C14orf132: variants seen among roughly 807,000 people sequenced by gnomAD.
C14orf132 encodes chromosome 14 open reading frame 132.
C14orf132 carries 6 observed loss-of-function variants against 5.8 expected under a neutral mutation model. That is an observed-to-expected ratio of 1.03 (90% CI 0.57 to 2.04). The LOEUF is 2.04. Ranked by LOEUF, C14orf132 falls within the 30% of genes most tolerant of loss-of-function variation. C14orf132 has a pLI of 0.00. For missense variants in C14orf132, 125 were observed against 115.8 expected (o/e 1.08, Z -0.37); for synonymous variants, 51 against 49.8 (o/e 1.02, Z -0.10).
intron 1 of C14orf132, among the ~76,000 whole-genome samples, chr14:96,048,791 G>A (rs1456606521): frequency 6.6e-6 from 1 of 152,110 alleles, no homozygotes; most frequent in Admixed American, 6.5e-5. Flanking sequence ...CTCCCAAAGT[G>A]CTGGGATTAC....
At chr14:96,051,623 C>A (rs952742868) in intron 1 of C14orf132, among the ~76,000 whole-genome samples, 1 of 152,324 alleles carries the variant, frequency 6.6e-6, no homozygotes, top group Admixed American at 6.5e-5. Flanking sequence ...TGTGCTCTCC[C>A]AGGCACCCTG....
At position 96,091,097 on chromosome 14, in the gene C14orf132, G is replaced by A; in HGVS notation, c.*4362G>A. 1 of 441,082 alleles carries A rather than the reference G, an allele frequency of 2.3e-6. No homozygotes were observed. The highest frequency in any genetic ancestry group is 1.7e-5 in the South Asian group (1 of 60,526). 27.3% of individuals were successfully genotyped at this position (441,082 alleles called of 1,614,324 possible). A position where few individuals can be genotyped will look rare whatever the true frequency, so the allele number is the denominator to read the frequency against. ...GTCGCATTTTTCTGTGGAGAAAACT[G>A]AGGCCAGGGCTGAACGCTCACAGCT... On this transcript the variant is annotated 3_prime_UTR_variant, in exon 2 of 2. Transcript: ENST00000555004.
chr14:96,057,926 G>C (rs966912931), intron 1 of C14orf132, among the ~76,000 whole-genome samples: 1 of 152,142 alleles, frequency 6.6e-6, no homozygotes, highest in African/African-American at 2.4e-5. Flanking sequence ...AGGTGCCATT[G>C]GTCCCTTGAG....
chr14:96,058,634 G>A (rs908968179), intron 1 of C14orf132, among the ~76,000 whole-genome samples: 20 of 152,162 alleles, frequency 1.3e-4, no homozygotes, highest in African/African-American at 4.8e-4. Context: ...TAAAAGTGAT[G>A]TTGGAAAATG....
At chr14:96,056,341 A>T (rs1191185578) in intron 1 of C14orf132, among the ~76,000 whole-genome samples, 2 of 152,242 alleles carry the variant, frequency 1.3e-5, no homozygotes, top group African/African-American at 4.8e-5. Flanking sequence ...CAGGGTGGTC[A>T]GCTGGGCCTT....
chr14:96,057,264 C>T (rs1887212520), intron 1 of C14orf132, among the ~76,000 whole-genome samples: 1 of 152,228 alleles, frequency 6.6e-6, no homozygotes, highest in African/African-American at 2.4e-5. Flanking sequence ...CTGTCCCTTG[C>T]ACTTTGTGAG....
At chr14:96,085,534 CAG>C (rs770147614) in intron 1 of C14orf132, among the ~76,000 whole-genome samples, 3 of 152,240 alleles carry the variant, frequency 2.0e-5, no homozygotes, top group Non-Finnish European at 4.4e-5. Context: ...CCTTTAAAAA[CAG>C]AAATAGGAAG....
intron 1 of C14orf132, among the ~76,000 whole-genome samples, chr14:96,076,285 C>T (rs1450730667): frequency 6.6e-6 from 1 of 152,128 alleles, no homozygotes; most frequent in Admixed American, 6.5e-5. Flanking sequence ...TTTTCCATTT[C>T]TGATATTGGT....
chr14:96,074,509 G>A (rs928792748), intron 1 of C14orf132, among the ~76,000 whole-genome samples: 13 of 150,122 alleles, frequency 8.7e-5, no homozygotes, highest in African/African-American at 3.2e-4. Flanking sequence ...ATTTCATTTA[G>A]GTCTAAGATC....
chr14:96,068,525 A>G (rs1887602528), intron 1 of C14orf132, among the ~76,000 whole-genome samples: 1 of 152,122 alleles, frequency 6.6e-6, no homozygotes, highest in Non-Finnish European at 1.5e-5. Context: ...GGGAGTAGAA[A>G]AGGATTTCTC....
intron 1 of C14orf132, among the ~76,000 whole-genome samples, chr14:96,079,699 G>C (rs533154940): frequency 6.6e-6 from 1 of 152,040 alleles, no homozygotes; most frequent in Admixed American, 6.5e-5. Context: ...TTAGTGATGA[G>C]AGAAATTATC....
chr14:96,071,358 C>T lies in C14orf132; in HGVS notation c.28-15153C>T, dbSNP rs931629875. ...CAACACATGGGGATTTGGGGAGCTA[C>T]AATTCAAGATGAGATTTGGGTGGGG... On this transcript the variant is annotated intron_variant, in intron 1 of 1. Transcript: ENST00000555004. 6.6e-5 allele frequency among the ~76,000 whole-genome samples: 10 copies of T among 152,240 alleles called. 1 individual carries two copies. The highest frequency in any genetic ancestry group is 1.9e-4 in the East Asian group (1 of 5,174).
chr14:96,063,028 T>C (rs574678071), intron 1 of C14orf132, among the ~76,000 whole-genome samples: 3 of 152,306 alleles, frequency 2.0e-5, no homozygotes, highest in African/African-American at 7.2e-5. Context: ...ATGTCAGTAC[T>C]TTTATCACAG....
rs980729997 is a variant in C14orf132 at position 96,092,107 on chromosome 14, A to C, written c.*5372A>C. On this transcript the variant is annotated 3_prime_UTR_variant, in exon 2 of 2. Transcript: ENST00000555004. ...CAAAATGGACGCCATAAATTCTGAA[A>C]TAAAAGTGTATGATGTGTTCTGAGT... The C allele has an allele frequency of 1.3e-5, 2 of 152,368 alleles. No homozygotes were observed. The highest frequency in any genetic ancestry group is 2.9e-5 in the Non-Finnish European group (2 of 68,044). 9.4% of individuals were successfully genotyped at this position (152,368 alleles called of 1,614,324 possible). A position where few individuals can be genotyped will look rare whatever the true frequency, so the allele number is the denominator to read the frequency against.
At chr14:96,081,423 T>G (rs934337154) in intron 1 of C14orf132, among the ~76,000 whole-genome samples, 6 of 152,190 alleles carry the variant, frequency 3.9e-5, no homozygotes, top group Non-Finnish European at 7.3e-5. Context: ...GGGCTAAATC[T>G]CATCACGCCC....
chr14:96,063,744 T>A (rs1887431812), intron 1 of C14orf132, among the ~76,000 whole-genome samples: 3 of 151,976 alleles, frequency 2.0e-5, no homozygotes, highest in African/African-American at 7.3e-5. Context: ...TCTAAAGAGC[T>A]TTTGCACGGC....
At chr14:96,041,935 G>A (rs1035957547) in intron 1 of C14orf132, among the ~76,000 whole-genome samples, 1 of 152,236 alleles carries the variant, frequency 6.6e-6, no homozygotes, top group African/African-American at 2.4e-5. Flanking sequence ...TGGCTAAAGG[G>A]CTGGGCTGGG....
chr14:96,085,195 C>A (rs1381797840), intron 1 of C14orf132, among the ~76,000 whole-genome samples: 1 of 152,212 alleles, frequency 6.6e-6, no homozygotes, highest in Non-Finnish European at 1.5e-5. Context: ...ATTTTAATGT[C>A]TCTAGCACAG....
chr14:96,050,540 T>C (rs1382489141), intron 1 of C14orf132, among the ~76,000 whole-genome samples: 2 of 152,054 alleles, frequency 1.3e-5, no homozygotes, highest in Admixed American at 1.3e-4. Flanking sequence ...ATCTGTCCTT[T>C]GTTGAATGTT....
Sources: allele counts gnomAD v4.1 joint callset (sites outside exome capture counted in the v4.1 genomes callset), GRCh38; gene constraint gnomAD v4.1.1; transcripts MANE v1.5; gene names NCBI Gene and HGNC (gene_info 2026-07-23, HGNC 2026-07-21).